BCKDHB: variants seen among roughly 807,000 people sequenced by gnomAD.
BCKDHB encodes the protein 2-oxoisovalerate dehydrogenase subunit beta, mitochondrial.
BCKDHB carries 41 observed loss-of-function variants against 48.5 expected under a neutral mutation model. The ratio of observed to expected loss-of-function variants is 0.85; its 90% confidence interval spans 0.66 to 1.10. The LOEUF (loss-of-function observed/expected upper bound fraction) is 1.10, where lower values mean the gene tolerates loss of function less well. Ranked by LOEUF, BCKDHB falls within the 50% of genes least tolerant of loss-of-function variation. The probability of loss-of-function intolerance (pLI) is 0.00; values close to 1 mark genes in which losing one functional copy is unlikely to be tolerated. For synonymous variants in BCKDHB, 201 were observed against 174.8 expected, an observed-to-expected ratio of 1.15 and a Z score of -1.18; for missense variants, 496 against 494.2, an observed-to-expected ratio of 1.00 and a Z score of -0.03.
intron 9 of BCKDHB, among the ~76,000 whole-genome samples, chr6:80,280,949 G>T (rs372240158): frequency 4.6e-5 from 7 of 152,152 alleles, no homozygotes; most frequent in African/African-American, 1.7e-4. Context: ...AGCATAGCTT[G>T]GTTTCTAGGT....
chr6:80,444,901 T>A, the BCKDHB span, among the ~76,000 whole-genome samples: 1 of 152,196 alleles, frequency 6.6e-6, no homozygotes, highest in African/African-American at 2.4e-5. Context: ...CTAACAAATA[T>A]GAACAATTAT....
the BCKDHB span, among the ~76,000 whole-genome samples, chr6:80,389,338 A>C: frequency 6.6e-6 from 1 of 152,170 alleles, no homozygotes; most frequent in Non-Finnish European, 1.5e-5. Context: ...CTGAGTGCCC[A>C]ATTTGCCAGC....
At chr6:80,111,887 C>T (rs1769430399) in intron 1 of BCKDHB, among the ~76,000 whole-genome samples, 2 of 152,150 alleles carry the variant, frequency 1.3e-5, no homozygotes, top group Non-Finnish European at 2.9e-5. Context: ...CCCAGAGCCC[C>T]CCAGAAAACC....
chr6:80,107,325 GTATATTATA>G (rs1170721253), intron 1 of BCKDHB, among the ~76,000 whole-genome samples: 6 of 144,426 alleles, frequency 4.2e-5, no homozygotes, highest in East Asian at 2.0e-4. Context: ...TATTTTAAAT[GTATATTATA>G]TATATTATAT....
rs1770167263 is a variant in BCKDHB at position 80,345,708 on chromosome 6, G to A, written c.*1904G>A. 6.6e-6 allele frequency: 1 copy of A among 152,180 alleles called. No individual in the cohort carries two copies. Among genetic ancestry groups the A allele is most frequent in the Admixed American group, 6.5e-5 (1 of 15,286 alleles). The allele number at this position is 152,180 out of a possible 1,614,324, so 9.4% of individuals were successfully genotyped here. Reference sequence around the variant, plus strand: ...GTTAGAGGACTCCTTCACTTTTGTTGTCCATGTGGTTCCCTTCCGTGGACC... The same window carrying A: ...GTTAGAGGACTCCTTCACTTTTGTTATCCATGTGGTTCCCTTCCGTGGACC... On this transcript the variant is annotated 3_prime_UTR_variant, in exon 10 of 10. Coordinates refer to ENST00000320393, the MANE Select transcript of BCKDHB (RefSeq NM_183050.4).
the BCKDHB span, among the ~76,000 whole-genome samples, chr6:80,370,800 GTGTGTGTGTA>G: frequency 4.8e-5 from 5 of 103,270 alleles, no homozygotes; most frequent in Admixed American, 1.1e-4. Flanking sequence ...TATAGCGTGT[GTGTGTGTGTA>G]TATATATATG....
At chr6:80,331,776 T>G (rs1391321085) in intron 9 of BCKDHB, among the ~76,000 whole-genome samples, 1 of 152,200 alleles carries the variant, frequency 6.6e-6, no homozygotes. Context: ...CATGACTGCT[T>G]TGGAGGGAGA....
At chr6:80,286,933 G>T (rs911670954) in intron 9 of BCKDHB, among the ~76,000 whole-genome samples, 2 of 152,090 alleles carry the variant, frequency 1.3e-5, no homozygotes, top group Non-Finnish European at 2.9e-5. Context: ...TTGGTCATCT[G>T]TCTATCAAGT....
At chr6:80,390,794 T>C in the BCKDHB span, among the ~76,000 whole-genome samples, 2 of 152,176 alleles carry the variant, frequency 1.3e-5, no homozygotes, top group African/African-American at 2.4e-5. Flanking sequence ...GTCAATGTGA[T>C]TGGATTAAAG....
At chr6:80,188,650 C>T (rs1225050555) in intron 6 of BCKDHB, among the ~76,000 whole-genome samples, 1 of 151,902 alleles carries the variant, frequency 6.6e-6, no homozygotes, top group African/African-American at 2.4e-5. Flanking sequence ...AAAAAACCCT[C>T]CAAAACCCCA....
intron 3 of BCKDHB, 26 bp downstream of exon 3, chr6:80,129,255 A>T (rs774578312): frequency 1.3e-6 from 2 of 1,559,700 alleles, no homozygotes; most frequent in Admixed American, 1.7e-5. Flanking sequence ...TATGAATAGT[A>T]TTCTGATAGA....
intron 1 of BCKDHB, among the ~76,000 whole-genome samples, chr6:80,123,678 A>G (rs956690605): frequency 4.7e-4 from 72 of 152,234 alleles, no homozygotes; most frequent in African/African-American, 1.5e-3. Context: ...GTTTATTTGC[A>G]TAGAGGTGTT....
Position 80,168,847 on chromosome 6 carries a change from A to G in BCKDHB, c.478-28A>G, listed in dbSNP as rs756468349. ...TTGGAAGGGAAGGACTCATTGTGCCATGCCCCGTCTTTCTTTCTGACCCTC... is the reference window on the plus strand; with the variant it reads ...TTGGAAGGGAAGGACTCATTGTGCCGTGCCCCGTCTTTCTTTCTGACCCTC... On this transcript the variant is annotated intron_variant, in intron 4 of 9. Coordinates refer to ENST00000320393, the MANE Select transcript of BCKDHB (RefSeq NM_183050.4). 5.0e-6 allele frequency: 8 copies of G among 1,613,596 alleles called. No individual in the cohort carries two copies. In the African/African-American group the frequency reaches 9.4e-5, roughly 19 times the overall value.
the BCKDHB span, among the ~76,000 whole-genome samples, chr6:80,378,255 C>G: frequency 6.6e-6 from 1 of 151,980 alleles, no homozygotes; most frequent in African/African-American, 2.4e-5. Context: ...TTTTGTAGTC[C>G]CCAGTGTCTA....
chr6:80,202,126 G>A (rs1442545350), intron 7 of BCKDHB, among the ~76,000 whole-genome samples: 1 of 151,970 alleles, frequency 6.6e-6, no homozygotes, highest in African/African-American at 2.4e-5. Flanking sequence ...TTAATAGGGA[G>A]GTTAGAGTGT....
At chr6:80,404,144 G>T in the BCKDHB span, among the ~76,000 whole-genome samples, 12 of 152,040 alleles carry the variant, frequency 7.9e-5, 1 homozygote, top group South Asian at 1.9e-3. Context: ...AGTTTGAGCA[G>T]CATTGACACT....
the BCKDHB span, among the ~76,000 whole-genome samples, chr6:80,373,080 G>C: frequency 2.0e-5 from 3 of 151,942 alleles, no homozygotes; most frequent in Non-Finnish European, 2.9e-5. Flanking sequence ...TCTGGTCCTG[G>C]AATTTTTTTT....
At chr6:80,113,003 A>C (rs991372482) in intron 1 of BCKDHB, among the ~76,000 whole-genome samples, 3 of 152,316 alleles carry the variant, frequency 2.0e-5, no homozygotes, top group Admixed American at 6.5e-5. Flanking sequence ...AGGTGGGTGC[A>C]TTTCTTTTGT....
the BCKDHB span, among the ~76,000 whole-genome samples, chr6:80,367,162 A>T: frequency 6.6e-6 from 1 of 152,288 alleles, no homozygotes; most frequent in East Asian, 1.9e-4. Flanking sequence ...AAAGCAAGAA[A>T]AATTACTGTT....
Sources: gnomAD v4.1 joint callset for allele counts (sites outside exome capture counted in the v4.1 genomes callset) on GRCh38, gnomAD v4.1.1 for gene constraint, MANE v1.5 for transcripts, NCBI Gene and HGNC (gene_info 2026-07-23, HGNC 2026-07-21) for gene names.